The following SH2D2A variants were observed in gnomAD, a reference collection of about 807,000 sequenced individuals.
The protein encoded by SH2D2A is SH2 domain containing 2A.
Under a neutral mutation model 43.6 loss-of-function variants are expected in SH2D2A, and 33 were observed. The observed-to-expected ratio is 0.76, with a 90% CI of 0.57 to 1.01. The LOEUF (loss-of-function observed/expected upper bound fraction) is 1.01, where lower values mean the gene tolerates loss of function less well. SH2D2A is among the 50% of genes least tolerant of loss of function. The pLI is 0.00. For missense variants in SH2D2A, 491 were observed against 503.1 expected (o/e 0.98, Z 0.23); for synonymous variants, 212 against 206.1 (o/e 1.03, Z -0.25).
rs1471581607 is a variant in SH2D2A at position 156,807,264 on chromosome 1, A to AGGCGGGTGGG, written c.1074_1083dup (p.Trp362ProfsTer14). Reference sequence around the variant, plus strand: ...AGATTGTGGGGGAGGGTGTGTCTCCAGGCGGGTGGGGGCTGGTGGGGCAGG... The same window carrying AGGCGGGTGGG: ...AGATTGTGGGGGAGGGTGTGTCTCCAGGCGGGTGGGGGCGGGTGGGGGCTGGTGGGGCAGG... On this transcript the variant is annotated frameshift_variant, in exon 8 of 9. Coordinates refer to ENST00000368199, the MANE Select transcript of SH2D2A (RefSeq NM_003975.4). LOFTEE classifies it high-confidence loss of function. The surrounding 1 kb of genome is among the most constrained non-coding windows in gnomAD (Gnocchi z 5.1). 1 of 649,546 alleles carries AGGCGGGTGGG rather than the reference A, an allele frequency of 1.5e-6. No individual in the cohort carries two copies. The highest frequency in any genetic ancestry group is 3.2e-5 in the African/African-American group (1 of 31,648). 40.2% of individuals were successfully genotyped at this position (649,546 alleles called of 1,614,324 possible).
chr1:156,814,158 TC>T, intron 4 of SH2D2A, 46 bp downstream of exon 4: 1 of 1,608,840 alleles, frequency 6.2e-7, no homozygotes. Flanking sequence ...GCCCCGCCCC[TC>T]CCGAGCCCCG....
chr1:156,812,761 T>A (rs1032333311), intron 5 of SH2D2A, among the ~76,000 whole-genome samples: 1 of 152,208 alleles, frequency 6.6e-6, no homozygotes, highest in African/African-American at 2.4e-5. Context: ...TTGGTTTTCT[T>A]GTCAGTGTGT....
chr1:156,812,233 ATTGCTCCTCCCGAAACT>A (rs1653469310), intron 5 of SH2D2A, among the ~76,000 whole-genome samples: 1 of 151,976 alleles, frequency 6.6e-6, no homozygotes, highest in South Asian at 2.1e-4. Context: ...CATGTGAAAT[ATTGCTCCTCCCGAAACT>A]TGCCAGGCCA....
At chr1:156,813,625 G>A (rs1653578289) in intron 5 of SH2D2A, among the ~76,000 whole-genome samples, 1 of 152,210 alleles carries the variant, frequency 6.6e-6, no homozygotes, top group African/African-American at 2.4e-5. Context: ...CTCTGACTCC[G>A]TGTGGCTGGG....
chr1:156,808,920 G>T (rs1213015205), intron 7 of SH2D2A, among the ~76,000 whole-genome samples: 1 of 152,218 alleles, frequency 6.6e-6, no homozygotes, highest in East Asian at 1.9e-4. Context: ...GATGTGGGAG[G>T]TGGAGGGGCA....
chr1:156,809,322 C>A lies in SH2D2A; in HGVS notation c.883G>T (p.Gly295Cys). 6.2e-7 allele frequency: 1 copy of A among 1,614,184 alleles called. No individual in the cohort carries two copies. The highest frequency in any genetic ancestry group is 8.5e-7 in the Non-Finnish European group (1 of 1,180,022). ...TTGCTGGGGGCTTCCCCAGGGCTGC[C>A]CCGGCCCATGGCATAGAAAGCTATG... is the stretch of plus-strand genomic sequence containing the variant. ...EPIAFYAMGR[G>C]SPGEAPSNIY... is the part of the protein sequence containing the mutation. The change falls in exon 7 of 9, where the codon GGC becomes TGC. Residue 295 changes from glycine (G) to cysteine (C), a missense_variant. By Grantham distance (159) the Gly-to-Cys change is radical (BLOSUM62 -3). Coordinates refer to ENST00000368199, the MANE Select transcript of SH2D2A (RefSeq NM_003975.4). The surrounding 1 kb of genome is among the most constrained non-coding windows in gnomAD (Gnocchi z 4.8).
chr1:156,809,524 G>T lies in SH2D2A; in HGVS notation c.715-34C>A, dbSNP rs1020452557. ...GAAGGTGAGGCCAGGGAGGAGTGGG[G>T]TGAGGGAGGCAGGGTTAAAGCCCCA... On this transcript the variant is annotated intron_variant, in intron 6 of 8. Coordinates refer to ENST00000368199, the MANE Select transcript of SH2D2A (RefSeq NM_003975.4). The surrounding 1 kb of genome is among the most constrained non-coding windows in gnomAD (Gnocchi z 4.8). 3 of 1,569,888 alleles carry T rather than the reference G, an allele frequency of 1.9e-6. No individual in the cohort carries two copies. The highest frequency in any genetic ancestry group is 2.6e-6 in the Non-Finnish European group (3 of 1,157,736).
chr1:156,808,373 G>T (rs1221753638), intron 7 of SH2D2A, among the ~76,000 whole-genome samples: 3 of 152,162 alleles, frequency 2.0e-5, no homozygotes, highest in African/African-American at 7.2e-5. Context: ...GAGTTTGAGG[G>T]GCTCAGGGAT....
chr1:156,816,269 C>T (rs971305991), intron 1 of SH2D2A, 175 bp from the exon 2 acceptor site: 29 of 629,304 alleles, frequency 4.6e-5, no homozygotes, highest in Admixed American at 2.5e-4. Flanking sequence ...GTAGCCAAGG[C>T]GGCATGGGGG....
chr1:156,809,617 C>T lies in SH2D2A; in HGVS notation c.714+44G>A, dbSNP rs1403796538. 8 of 1,579,744 alleles carry T rather than the reference C, an allele frequency of 5.1e-6. No individual in the cohort carries two copies. Among genetic ancestry groups the T allele is most frequent in the Admixed American group, 1.9e-5 (1 of 53,390 alleles). ...CTCCTCCCCGCTGCCTGCACCCCCT[C>T]GCAGGCCTGTCCTCCCACTCCCTCA... On this transcript the variant is annotated intron_variant, in intron 6 of 8. Transcript: ENST00000368199. The surrounding 1 kb of genome is among the most constrained non-coding windows in gnomAD (Gnocchi z 4.8).
chr1:156,809,323 C>T lies in SH2D2A; in HGVS notation c.882G>A (p.Arg294=). 3 of 1,614,198 alleles carry T rather than the reference C, an allele frequency of 1.9e-6. No homozygotes were observed. Among genetic ancestry groups the T allele is most frequent in the Non-Finnish European group, 1.7e-6 (2 of 1,180,020 alleles). The stretch of plus-strand genomic sequence containing the variant: ...TGCTGGGGGCTTCCCCAGGGCTGCC[C>T]CGGCCCATGGCATAGAAAGCTATGG... The part of the protein sequence containing the change: ...DEPIAFYAMG[R]GSPGEAPSNI... Residue 294 remains arginine, a synonymous_variant, in exon 7 of 9, where the codon CGG becomes CGA. Coordinates refer to ENST00000368199, the MANE Select transcript of SH2D2A (RefSeq NM_003975.4). This position sits in a 1 kb window ranked among gnomAD's most constrained non-coding sequence, Gnocchi z 4.8.
Position 156,809,434 on chromosome 1 carries a change from TG to T in SH2D2A, c.770del (p.Pro257GlnfsTer31). ...GTGGAACAGGGATTGTGTAGACTTC[TG>T]GGGGCAGCTGAGGTTTGGCGGGGAT... ...PPIPAKPQLP[P>X]EVYTIPVPRH... On this transcript the variant is annotated frameshift_variant, in exon 7 of 9. Coordinates refer to ENST00000368199, the MANE Select transcript of SH2D2A (RefSeq NM_003975.4). LOFTEE classifies it high-confidence loss of function. This position sits in a 1 kb window ranked among gnomAD's most constrained non-coding sequence, Gnocchi z 4.8. The T allele has an allele frequency of 6.2e-7, 1 of 1,612,840 alleles. No homozygotes were observed.
intron 5 of SH2D2A, among the ~76,000 whole-genome samples, chr1:156,812,012 T>TA (rs2102804296): frequency 6.6e-6 from 1 of 152,290 alleles, no homozygotes; most frequent in African/African-American, 2.4e-5. Flanking sequence ...ACTGCACGTG[T>TA]AGAAAACAGA....
chr1:156,814,347 G>T (rs191006754), intron 3 of SH2D2A, 53 bp from the exon 4 acceptor site: 52 of 1,585,110 alleles, frequency 3.3e-5, no homozygotes, highest in Non-Finnish European at 3.4e-6. Flanking sequence ...TTCCAGCCTC[G>T]CCTCTGTCTC....
Position 156,814,310 on chromosome 1 carries a change from A to G in SH2D2A, c.309-16T>C. 1 of 1,611,128 alleles carries G rather than the reference A, an allele frequency of 6.2e-7. No homozygotes were observed. The highest frequency in any genetic ancestry group is 8.5e-7 in the Non-Finnish European group (1 of 1,178,898). On this transcript the variant is annotated splice_polypyrimidine_tract_variant and intron_variant, in intron 3 of 8. Transcript: ENST00000368199. ...CTCTGCCTCCCTGTGGGTGACGGAGAGAGGGGGCCGAACCCTGCTCTGACA... is the reference window on the plus strand; with the variant it reads ...CTCTGCCTCCCTGTGGGTGACGGAGGGAGGGGGCCGAACCCTGCTCTGACA...
At chr1:156,814,152 C>T in intron 4 of SH2D2A, 53 bp downstream of exon 4, 1 of 1,606,612 alleles carries the variant, frequency 6.2e-7, no homozygotes, top group Non-Finnish European at 8.5e-7. Context: ...ACCCAAGCCC[C>T]GCCCCTCCCG....
chr1:156,816,673 A>G lies in SH2D2A; in HGVS notation c.34+2T>C, dbSNP rs764313805. The G allele has an allele frequency of 6.2e-7, 1 of 1,601,218 alleles. No homozygotes were observed. The highest frequency in any genetic ancestry group is 1.1e-5 in the South Asian group (1 of 89,708). On this transcript the variant is annotated splice_donor_variant, in intron 1 of 8. Transcript: ENST00000368199. LOFTEE classifies it high-confidence loss of function. Reference sequence around the variant, plus strand: ...ACCCATATCCTTCAACTTCACACTTACCTTGGGGACATATCTGGGCCAGGG... The same window carrying G: ...ACCCATATCCTTCAACTTCACACTTGCCTTGGGGACATATCTGGGCCAGGG...
chr1:156,815,675 C>T (rs1463821385), intron 2 of SH2D2A: 46 of 840,998 alleles, frequency 5.5e-5, no homozygotes, highest in Admixed American at 1.5e-4. Context: ...AGGACTGAGA[C>T]GGGAATGTGG....
intron 2 of SH2D2A, chr1:156,815,749 T>A (rs1228089895): frequency 3.2e-6 from 5 of 1,540,368 alleles, no homozygotes; most frequent in African/African-American, 1.4e-5. Flanking sequence ...CTCAATGCAC[T>A]GCACCCTGGT....
Sources: gnomAD v4.1 joint callset for allele counts (sites outside exome capture counted in the v4.1 genomes callset) on GRCh38, gnomAD v4.1.1 for gene constraint, Gnocchi (gnomAD v3.1) non-coding constraint, MANE v1.5 for transcripts, NCBI Gene and HGNC (gene_info 2026-07-23, HGNC 2026-07-21) for gene names.